The following MAP2K5 variants were observed in gnomAD, a reference collection of about 807,000 sequenced individuals.
MAP2K5 encodes the protein mitogen-activated protein kinase kinase 5, also known as dual specificity mitogen-activated protein kinase kinase 5.
MAP2K5 carries 49 observed loss-of-function variants against 83.1 expected under a neutral mutation model. The observed-to-expected ratio is 0.59, with a 90% CI of 0.47 to 0.75. The LOEUF is 0.75. Ranked by LOEUF, MAP2K5 falls within the 30% of genes least tolerant of loss-of-function variation. The pLI, the probability that MAP2K5 is intolerant of heterozygous loss-of-function variation, is 0.00. For missense variants in MAP2K5, 457 were observed against 557.5 expected (o/e 0.82, Z 1.82); for synonymous variants, 202 against 191.8 (o/e 1.05, Z -0.44).
chr15:67,729,626 A>AT (rs1039313918), intron 17 of MAP2K5, among the ~76,000 whole-genome samples: 1 of 151,902 alleles, frequency 6.6e-6, no homozygotes, highest in African/African-American at 2.4e-5. Context: ...AAAAAAAAAA[A>AT]TTAGCCGGGC....
chr15:67,662,749 T>C (rs1431869900), intron 12 of MAP2K5, among the ~76,000 whole-genome samples: 2 of 152,164 alleles, frequency 1.3e-5, no homozygotes, highest in African/African-American at 4.8e-5. Context: ...CTAATTACTC[T>C]TAACTCAGGC....
At chr15:67,759,310 G>A (rs974628843) in intron 19 of MAP2K5, among the ~76,000 whole-genome samples, 39 of 151,970 alleles carry the variant, frequency 2.6e-4, no homozygotes, top group Non-Finnish European at 4.6e-4. Context: ...TGTAATCCTA[G>A]CATTTTGGGA....
At chr15:67,593,005 A>T (rs369579494) in intron 7 of MAP2K5, 31 bp downstream of exon 7, 1 of 1,416,366 alleles carries the variant, frequency 7.1e-7, no homozygotes, top group Admixed American at 1.8e-5. Flanking sequence ...AGATTTTCAC[A>T]TAATAATAAC....
rs1274324228 is a variant in MAP2K5 at position 67,764,365 on chromosome 15, G to A, written c.1135-5237G>A. On this transcript the variant is annotated intron_variant, in intron 19 of 21. Transcript: ENST00000178640. This position sits in a 1 kb window ranked among gnomAD's most constrained non-coding sequence, Gnocchi z 4.9. ...AAGAAGAAAGTAGGAGAGCAAAGAA[G>A]GTATCTCACACGCTGCAGACTCTTT... 3.3e-5 allele frequency among the ~76,000 whole-genome samples: 5 copies of A among 152,164 alleles called. No homozygotes were observed. Among genetic ancestry groups the A allele is most frequent in the African/African-American group, 9.7e-5 (4 of 41,444 alleles).
rs1475098428 is a variant in MAP2K5, at chr15:67,658,841, G to T, written c.798+227G>T. The stretch of plus-strand genomic sequence containing the variant: ...CAACCTGTTCTAGTTTCATGTGTTT[G>T]CAGGGACCTTGGTATTCTTGTTGAC... On this transcript the variant is annotated intron_variant, in intron 12 of 21. Transcript: ENST00000178640. 14 of 586,890 alleles carry T rather than the reference G, an allele frequency of 2.4e-5. No individual in the cohort carries two copies. In the Admixed American group the frequency reaches 3.0e-4, roughly 13 times the overall value. 36.4% of individuals were successfully genotyped at this position (586,890 alleles called of 1,614,324 possible).
At chr15:67,718,713 G>A (rs61177804) in intron 16 of MAP2K5, among the ~76,000 whole-genome samples, 1 of 152,110 alleles carries the variant, frequency 6.6e-6, no homozygotes, top group African/African-American at 2.4e-5. Context: ...GCAGTGAGCC[G>A]AGATCATGCT....
chr15:67,647,132 T>C (rs990549397), intron 11 of MAP2K5, among the ~76,000 whole-genome samples: 9 of 152,202 alleles, frequency 5.9e-5, no homozygotes, highest in African/African-American at 1.9e-4. Flanking sequence ...TTCCATAGTC[T>C]AGTCCATTAA....
intron 3 of MAP2K5, among the ~76,000 whole-genome samples, chr15:67,570,042 A>T (rs1450994380): frequency 6.6e-6 from 1 of 152,234 alleles, no homozygotes; most frequent in East Asian, 1.9e-4. Context: ...TAACCAAGGT[A>T]ATAACTCTGA....
At position 67,779,789 on chromosome 15, in the gene MAP2K5, A is replaced by G. The variant is rs1189201263; in HGVS notation, c.1242+7037A>G. 3.3e-5 allele frequency among the ~76,000 whole-genome samples: 5 copies of G among 152,198 alleles called. No homozygotes were observed. The East Asian group carries it at 9.6e-4, about 29-fold the overall frequency. ...TGAAGCTGTGTAGCATTCATTGAGC[A>G]CAGGAAGAGTTTGGTTATCTTGGAT... On this transcript the variant is annotated intron_variant, in intron 21 of 21. Coordinates refer to ENST00000178640, the MANE Select transcript of MAP2K5 (RefSeq NM_145160.3). This position sits in a 1 kb window ranked among gnomAD's most constrained non-coding sequence, Gnocchi z 4.6.
intron 19 of MAP2K5, among the ~76,000 whole-genome samples, chr15:67,753,878 A>T (rs1281558238): frequency 6.6e-6 from 1 of 152,242 alleles, no homozygotes; most frequent in Non-Finnish European, 1.5e-5. Context: ...AATAGAAAAC[A>T]TATGTCCGCA....
chr15:67,662,083 A>T (rs1200746377), intron 12 of MAP2K5, among the ~76,000 whole-genome samples: 2 of 152,168 alleles, frequency 1.3e-5, no homozygotes, highest in East Asian at 3.8e-4. Context: ...ATTTGCTATA[A>T]AAATGTATGC....
chr15:67,654,385 TC>T (rs1433419805), intron 11 of MAP2K5, among the ~76,000 whole-genome samples: 2 of 152,200 alleles, frequency 1.3e-5, no homozygotes, highest in Non-Finnish European at 1.5e-5. Context: ...GAATAGTATA[TC>T]TTTTTTCACC....
intron 16 of MAP2K5, among the ~76,000 whole-genome samples, chr15:67,721,460 C>G (rs967331725): frequency 6.6e-6 from 1 of 152,194 alleles, no homozygotes; most frequent in African/African-American, 2.4e-5. Flanking sequence ...ACATTAGTTA[C>G]AAGCTCTCAG....
At position 67,736,520 on chromosome 15, in the gene MAP2K5, T is replaced by C. The variant is rs537833469; in HGVS notation, c.1074+8575T>C. On this transcript the variant is annotated intron_variant, in intron 17 of 21. Coordinates refer to ENST00000178640, the MANE Select transcript of MAP2K5 (RefSeq NM_145160.3). The surrounding 1 kb of genome is among the most constrained non-coding windows in gnomAD (Gnocchi z 4.3). Reference sequence around the variant, plus strand: ...ATTTACCTATGTAACTCTGAAAATATATGACCATGTCTCACACCAGGTAGG... The same window carrying C: ...ATTTACCTATGTAACTCTGAAAATACATGACCATGTCTCACACCAGGTAGG... 6.6e-6 allele frequency among the ~76,000 whole-genome samples: 1 copy of C among 152,364 alleles called. No homozygotes were observed. The highest frequency in any genetic ancestry group is 1.9e-4 in the East Asian group (1 of 5,188).
rs1342479140 is a variant in MAP2K5 at position 67,764,921 on chromosome 15, A to C, written c.1135-4681A>C. On this transcript the variant is annotated intron_variant, in intron 19 of 21. Coordinates refer to ENST00000178640, the MANE Select transcript of MAP2K5 (RefSeq NM_145160.3). This position sits in a 1 kb window ranked among gnomAD's most constrained non-coding sequence, Gnocchi z 4.9. The stretch of plus-strand genomic sequence containing the variant: ...GAATCTAGGCCTCATCTAATTGTTT[A>C]AAAATAGTCCCTATCCCTTACCTTT... Among the ~76,000 whole-genome samples, 3 of 152,226 alleles carry C rather than the reference A, an allele frequency of 2.0e-5. No individual in the cohort carries two copies. Among genetic ancestry groups the C allele is most frequent in the Admixed American group, 6.5e-5 (1 of 15,280 alleles).
At position 67,665,252 on chromosome 15, in the gene MAP2K5, T is replaced by A. The variant is rs2087348792; in HGVS notation, c.847+607T>A. Reference sequence around the variant, plus strand: ...TCCCCTTGTCTAGTAACAGAACACATGAGAGAATAATCAGATGAGTGTTGA... The same window carrying A: ...TCCCCTTGTCTAGTAACAGAACACAAGAGAGAATAATCAGATGAGTGTTGA... On this transcript the variant is annotated intron_variant, in intron 13 of 21. Coordinates refer to ENST00000178640, the MANE Select transcript of MAP2K5 (RefSeq NM_145160.3). The surrounding 1 kb of genome is among the most constrained non-coding windows in gnomAD (Gnocchi z 4.2). Among the ~76,000 whole-genome samples the A allele has an allele frequency of 6.6e-6, 1 of 152,032 alleles. No individual in the cohort carries two copies. The highest frequency in any genetic ancestry group is 1.5e-5 in the Non-Finnish European group (1 of 67,998).
intron 9 of MAP2K5, 96 bp downstream of exon 9, chr15:67,631,023 A>G: frequency 1.0e-6 from 1 of 996,638 alleles, no homozygotes; most frequent in Middle Eastern, 2.1e-4. Flanking sequence ...AGGAGATGAA[A>G]TGGCTTAAGG....
rs1567322636 is a variant in MAP2K5 at position 67,631,041 on chromosome 15, GGT to G, written c.585+115_585+116del. On this transcript the variant is annotated intron_variant, in intron 9 of 21. Coordinates refer to ENST00000178640, the MANE Select transcript of MAP2K5 (RefSeq NM_145160.3). ...AGATGAAATGGCTTAAGGTTTAGATGGTAGGTAGGGGAAGCTGTGGCTCTCTG... is the reference window on the plus strand; with the variant it reads ...AGATGAAATGGCTTAAGGTTTAGATGAGGTAGGGGAAGCTGTGGCTCTCTG... The G allele has an allele frequency of 1.6e-5, 12 of 752,924 alleles. No homozygotes were observed. In the Middle Eastern group the frequency reaches 7.1e-4, roughly 44 times the overall value. 46.6% of individuals were successfully genotyped at this position (752,924 alleles called of 1,614,324 possible). A position where few individuals can be genotyped will look rare whatever the true frequency, so the allele number is the denominator to read the frequency against.
chr15:67,805,276 G>A (rs1457627825), intron 21 of MAP2K5, among the ~76,000 whole-genome samples: 1 of 152,192 alleles, frequency 6.6e-6, no homozygotes, highest in Non-Finnish European at 1.5e-5. Flanking sequence ...TTGGGGGCGG[G>A]CACTGCATCA....
Sources: gnomAD v4.1 joint callset for allele counts (sites outside exome capture counted in the v4.1 genomes callset) on GRCh38, gnomAD v4.1.1 for gene constraint, Gnocchi (gnomAD v3.1) non-coding constraint, MANE v1.5 for transcripts, NCBI Gene and HGNC (gene_info 2026-07-23, HGNC 2026-07-21) for gene names.